Variants in PFKFB3 observed in about 807,000 individuals in gnomAD.
PFKFB3 encodes the protein 6-phosphofructo-2-kinase/fructose-2,6-bisphosphatase 3.
In PFKFB3, 33 loss-of-function variants were observed where a neutral mutation model predicts 68.0. The observed-to-expected ratio is 0.49, with a 90% CI of 0.37 to 0.65. The LOEUF is 0.65. PFKFB3 is among the 30% of genes least tolerant of loss of function. The pLI is 0.00. For missense variants in PFKFB3, 586 were observed against 712.2 expected (o/e 0.82, Z 2.02); for synonymous variants, 315 against 288.2 (o/e 1.09, Z -0.94).
the PFKFB3 span, chr10:6,293,330 A>G: frequency 3.9e-5 from 12 of 307,870 alleles, no homozygotes; most frequent in South Asian, 6.9e-5. Context: ...GTCTTTCACT[A>G]TGGATGTTAT....
At chr10:6,290,522 A>T in the PFKFB3 span, among the ~76,000 whole-genome samples, 1 of 140,672 alleles carries the variant, frequency 7.1e-6, no homozygotes, top group Non-Finnish European at 1.5e-5. Context: ...TTTTTGAGAC[A>T]GAGTCTTGCT....
At chr10:6,169,503 A>G (rs912699217) in intron 1 of PFKFB3, among the ~76,000 whole-genome samples, 4 of 151,994 alleles carry the variant, frequency 2.6e-5, no homozygotes, top group African/African-American at 4.8e-5. Context: ...TTCCTCCAGG[A>G]TATTTGACTG....
At chr10:6,146,557 C>G (rs1294409356) in intron 1 of PFKFB3, 7 of 1,460,096 alleles carry the variant, frequency 4.8e-6, no homozygotes, top group Non-Finnish European at 6.5e-6. Flanking sequence ...GTCCCTCCCC[C>G]CCTACTCATT....
intron 14 of PFKFB3, among the ~76,000 whole-genome samples, chr10:6,242,792 T>G (rs1402817079): frequency 3.9e-5 from 6 of 152,232 alleles, no homozygotes; most frequent in African/African-American, 1.2e-4. Flanking sequence ...TTCGCCATAT[T>G]GGCCAGGCTG....
chr10:6,308,456 C>T, the PFKFB3 span, among the ~76,000 whole-genome samples: 1 of 152,120 alleles, frequency 6.6e-6, no homozygotes, highest in African/African-American at 2.4e-5. Flanking sequence ...ACAGAGGTTG[C>T]AATGAGCCAA....
rs1037331001 is a variant in PFKFB3, at chr10:6,203,427, G to T, written c.76+91G>T. On this transcript the variant is annotated intron_variant, in intron 1 of 14. Coordinates refer to ENST00000379775, the MANE Select transcript of PFKFB3 (RefSeq NM_004566.4). ...CGGCTTTGTGCCGACGCCCCTCTGC[G>T]GGGGGCGCGCCCGTGCGGGTCGCGC... 4 of 879,872 alleles carry T rather than the reference G, an allele frequency of 4.5e-6. No individual in the cohort carries two copies. The South Asian group carries it at 8.7e-5, about 19-fold the overall frequency. 54.5% of individuals were successfully genotyped at this position (879,872 alleles called of 1,614,324 possible). A position where few individuals can be genotyped will look rare whatever the true frequency, so the allele number is the denominator to read the frequency against.
At chr10:6,290,234 A>G in the PFKFB3 span, among the ~76,000 whole-genome samples, 1 of 151,770 alleles carries the variant, frequency 6.6e-6, no homozygotes, top group Non-Finnish European at 1.5e-5. Flanking sequence ...AGAACTTCCA[A>G]CACTATGTTG....
chr10:6,316,211 T>A, the PFKFB3 span, among the ~76,000 whole-genome samples: 1 of 143,180 alleles, frequency 7.0e-6, no homozygotes, highest in Non-Finnish European at 1.5e-5. Flanking sequence ...ACTGCCCAGC[T>A]GTGAAGAGTG....
intron 1 of PFKFB3, among the ~76,000 whole-genome samples, chr10:6,189,043 G>T (rs914953175): frequency 3.9e-5 from 6 of 152,096 alleles, no homozygotes; most frequent in African/African-American, 9.7e-5. Flanking sequence ...GTTTCACTGT[G>T]TTAGCCAGGA....
rs532028772 is a variant in PFKFB3 at position 6,233,074 on chromosome 10, C to T, written c.*132C>T. The T allele has an allele frequency of 1.5e-5, 11 of 730,218 alleles. No individual in the cohort carries two copies. Among genetic ancestry groups the T allele is most frequent in the African/African-American group, 1.2e-4 (7 of 57,232 alleles). 45.2% of individuals were successfully genotyped at this position (730,218 alleles called of 1,614,324 possible). ...GGTGGAGCAGCGGGGGAGCCTTGGC[C>T]GAAGAGAACCATGCTTGGCACCGTC... On this transcript the variant is annotated 3_prime_UTR_variant, in exon 15 of 15. Coordinates refer to ENST00000379775, the MANE Select transcript of PFKFB3 (RefSeq NM_004566.4).
intron 6 of PFKFB3, among the ~76,000 whole-genome samples, chr10:6,218,443 T>G (rs1294974440): frequency 9.3e-6 from 1 of 108,026 alleles, no homozygotes. Flanking sequence ...TTTATTTATT[T>G]ATTGAAACGG....
chr10:6,269,307 ATTATAGACTCAG>A, the PFKFB3 span, among the ~76,000 whole-genome samples: 10 of 152,008 alleles, frequency 6.6e-5, no homozygotes, highest in Non-Finnish European at 1.2e-4. Context: ...TTAAGACTGA[ATTATAGACTCAG>A]TGATCTAGGA....
chr10:6,177,519 C>CCTTT (rs1239299910), intron 1 of PFKFB3, among the ~76,000 whole-genome samples: 2 of 128,792 alleles, frequency 1.6e-5, no homozygotes, highest in Admixed American at 8.1e-5. Flanking sequence ...CTCTCTCTTT[C>CCTTT]CTTTCTTTTT....
chr10:6,255,416 A>T (rs1846481599), downstream of PFKFB3, among the ~76,000 whole-genome samples: 1 of 152,212 alleles, frequency 6.6e-6, no homozygotes, highest in East Asian at 1.9e-4. Context: ...GAGCCATCGC[A>T]ACTGGCCCAA....
At chr10:6,232,442 A>G (rs1845805531) in intron 14 of PFKFB3, among the ~76,000 whole-genome samples, 2 of 151,624 alleles carry the variant, frequency 1.3e-5, no homozygotes, top group African/African-American at 4.9e-5. Flanking sequence ...TGTTCCCAGA[A>G]TCTGGATGCA....
Position 6,228,120 on chromosome 10 carries a change from G to A in PFKFB3, c.1515+1755G>A. 4.5e-6 allele frequency: 7 copies of A among 1,547,794 alleles called. No homozygotes were observed. In the South Asian group the frequency reaches 6.7e-5, roughly 15 times the overall value. On this transcript the variant is annotated intron_variant, in intron 14 of 14. Transcript: ENST00000379775. The surrounding 1 kb of genome is among the most constrained non-coding windows in gnomAD (Gnocchi z 4.5). ...TGAAGCTGCTGGCTGGGCCGGCGTG[G>A]GGTTTTTCAGGGCTTCGTCCCTGCA...
the PFKFB3 span, among the ~76,000 whole-genome samples, chr10:6,308,287 A>T: frequency 6.6e-6 from 1 of 152,156 alleles, no homozygotes; most frequent in Non-Finnish European, 1.5e-5. Context: ...CCAAGGCAGG[A>T]GGATCACCTG....
At chr10:6,323,624 T>G in the PFKFB3 span, among the ~76,000 whole-genome samples, 4 of 152,332 alleles carry the variant, frequency 2.6e-5, no homozygotes, top group South Asian at 8.3e-4. Context: ...GAAATTTACT[T>G]CAACTGGCAC....
chr10:6,275,294 C>G, the PFKFB3 span, among the ~76,000 whole-genome samples: 3 of 152,234 alleles, frequency 2.0e-5, no homozygotes, highest in Admixed American at 6.5e-5. This position sits in a 1 kb window ranked among gnomAD's most constrained non-coding sequence, Gnocchi z 4.9. Context: ...CGGTAGATTT[C>G]TCTGCATAGC....
Sources: allele counts gnomAD v4.1 joint callset (sites outside exome capture counted in the v4.1 genomes callset), GRCh38; gene constraint gnomAD v4.1.1; non-coding constraint Gnocchi (gnomAD v3.1); transcripts MANE v1.5; gene names NCBI Gene and HGNC (gene_info 2026-07-23, HGNC 2026-07-21).